The following WDFY3 variants were observed in gnomAD, a reference collection of about 807,000 sequenced individuals.
The protein encoded by WDFY3 is WD repeat and FYVE domain-containing protein 3.
WDFY3 carries 66 observed loss-of-function variants against 409.6 expected under a neutral mutation model. The ratio of observed to expected loss-of-function variants is 0.16; its 90% CI spans 0.13 to 0.20. WDFY3 has a LOEUF of 0.20. Ranked by LOEUF, WDFY3 falls within the 10% of genes least tolerant of loss-of-function variation. The pLI is 1.00. For synonymous variants in WDFY3, 1,521 were observed against 1,537.1 expected (o/e 0.99, Z 0.25); for missense variants, 3,031 against 4,298.1 (o/e 0.71, Z 8.24).
At chr4:84,954,716 T>C (rs866908357) in intron 1 of WDFY3, among the ~76,000 whole-genome samples, 10 of 152,214 alleles carry the variant, frequency 6.6e-5, no homozygotes, top group African/African-American at 2.2e-4. Flanking sequence ...TATTCCTACA[T>C]TATGTGTCTA....
intron 21 of WDFY3, among the ~76,000 whole-genome samples, chr4:84,794,233 C>CA (rs1272567032): frequency 6.6e-6 from 1 of 152,034 alleles, no homozygotes; most frequent in Non-Finnish European, 1.5e-5. Context: ...TAATCCTTAC[C>CA]AAAATACATC....
chr4:84,949,545 T>C (rs996791127), intron 1 of WDFY3, among the ~76,000 whole-genome samples: 1 of 152,050 alleles, frequency 6.6e-6, no homozygotes, highest in Non-Finnish European at 1.5e-5. Flanking sequence ...AATGAAAGAG[T>C]ATATATATCT....
intron 18 of WDFY3, among the ~76,000 whole-genome samples, chr4:84,797,445 T>G (rs1488800727): frequency 4.6e-5 from 7 of 152,140 alleles, no homozygotes; most frequent in Non-Finnish European, 8.8e-5. Context: ...GAAACTGTTT[T>G]CCTCCTAAAT....
chr4:84,897,094 A>G (rs535343953), intron 2 of WDFY3, 84 bp from the exon 3 acceptor site: 3 of 152,338 alleles, frequency 2.0e-5, no homozygotes, highest in East Asian at 3.9e-4. Flanking sequence ...TCCACTAACT[A>G]TCTCATACAT....
intron 51 of WDFY3, 91 bp downstream of exon 51, chr4:84,713,068 C>A: frequency 7.2e-7 from 1 of 1,385,136 alleles, no homozygotes; most frequent in Admixed American, 2.0e-5. Context: ...AGGGGAAAAA[C>A]ACTCATCTAA....
intron 40 of WDFY3, 51 bp from the exon 41 acceptor site, chr4:84,737,417 A>G: frequency 6.7e-7 from 1 of 1,501,366 alleles, no homozygotes; most frequent in Non-Finnish European, 8.9e-7. Context: ...TGATCAAAAC[A>G]CAGTATAAAG....
At chr4:84,703,099 A>G (rs1731334477) in intron 55 of WDFY3, among the ~76,000 whole-genome samples, 2 of 152,164 alleles carry the variant, frequency 1.3e-5, no homozygotes, top group East Asian at 1.9e-4. Context: ...TGTCTCAAAA[A>G]AAAAAAAAAC....
chr4:84,724,519 C>A lies in WDFY3; in HGVS notation c.7348G>T (p.Ala2450Ser), dbSNP rs895398874. 6.2e-7 allele frequency: 1 copy of A among 1,614,098 alleles called. No individual in the cohort carries two copies. The change falls in exon 46 of 68, where the codon GCC becomes TCC. Residue 2450 changes from alanine (A) to serine (S), a missense_variant. Physicochemically the swap from Ala to Ser is moderately conservative, Grantham distance 99. This residue lies in a region of WDFY3 where 127 missense variants were observed against 144.4 expected (regional missense o/e 0.88). Coordinates refer to ENST00000295888, the MANE Select transcript of WDFY3 (RefSeq NM_014991.6). Reference protein sequence around the residue: ...YYMRLASGNPAIVQDAIVESS... With the variant: ...YYMRLASGNPSIVQDAIVESS... ...TCCACAATGGCGTCTTGGACAATGGCGGGATTGCCAGAGGCCAGTCGCATG... is the reference window on the plus strand; with the variant it reads ...TCCACAATGGCGTCTTGGACAATGGAGGGATTGCCAGAGGCCAGTCGCATG...
At chr4:84,731,049 G>A (rs918357215) in intron 44 of WDFY3, among the ~76,000 whole-genome samples, 7 of 151,986 alleles carry the variant, frequency 4.6e-5, no homozygotes, top group South Asian at 2.1e-4. Flanking sequence ...CACCTGCCTC[G>A]GCCTCCCAAA....
intron 3 of WDFY3, among the ~76,000 whole-genome samples, chr4:84,870,333 C>T (rs183494360): frequency 3.6e-4 from 55 of 152,218 alleles, no homozygotes; most frequent in African/African-American, 1.3e-3. Context: ...GAACTGAGGT[C>T]GCAGGGCAAA....
At chr4:84,876,770 G>T (rs1560982633) in intron 3 of WDFY3, among the ~76,000 whole-genome samples, 1 of 151,850 alleles carries the variant, frequency 6.6e-6, no homozygotes, top group Non-Finnish European at 1.5e-5. Context: ...TTCTGGGTGT[G>T]TATTTTACTG....
At chr4:84,765,426 G>C (rs1437930820) in intron 32 of WDFY3, among the ~76,000 whole-genome samples, 1 of 152,150 alleles carries the variant, frequency 6.6e-6, no homozygotes, top group Non-Finnish European at 1.5e-5. Flanking sequence ...CAGAGTTATT[G>C]TGATGAAATG....
intron 5 of WDFY3, among the ~76,000 whole-genome samples, chr4:84,847,958 T>C (rs1266615697): frequency 1.3e-5 from 2 of 148,812 alleles, no homozygotes; most frequent in African/African-American, 2.5e-5. Context: ...ATAGAAGAGA[T>C]AGATGATAAA....
chr4:84,783,405 G>C (rs1746917586), intron 24 of WDFY3, among the ~76,000 whole-genome samples: 1 of 152,154 alleles, frequency 6.6e-6, no homozygotes, highest in Non-Finnish European at 1.5e-5. Context: ...CCTGAGCCTA[G>C]GAGGTCGAGA....
chr4:84,960,141 C>A (rs1774733778), intron 1 of WDFY3, among the ~76,000 whole-genome samples: 1 of 152,088 alleles, frequency 6.6e-6, no homozygotes, highest in African/African-American at 2.4e-5. Flanking sequence ...TAAATGTAGG[C>A]TTTAGAGGCC....
At chr4:84,725,198 A>G (rs1735472476) in intron 45 of WDFY3, among the ~76,000 whole-genome samples, 1 of 152,102 alleles carries the variant, frequency 6.6e-6, no homozygotes, top group Non-Finnish European at 1.5e-5. Context: ...GCCAGGTGAC[A>G]CTCTGGTTAG....
chr4:84,797,894 C>A, intron 18 of WDFY3, 102 bp downstream of exon 18: 1 of 1,113,122 alleles, frequency 9.0e-7, no homozygotes, highest in Admixed American at 2.4e-5. Flanking sequence ...AAATAATAAA[C>A]CCTTCTCTTT....
intron 7 of WDFY3, among the ~76,000 whole-genome samples, chr4:84,832,618 ATTAT>A (rs1755907885): frequency 6.6e-6 from 1 of 152,208 alleles, no homozygotes; most frequent in Non-Finnish European, 1.5e-5. Flanking sequence ...ATATGCAATT[ATTAT>A]TTGTCAATTA....
intron 1 of WDFY3, among the ~76,000 whole-genome samples, chr4:84,934,307 C>A (rs1186628305): frequency 6.6e-6 from 1 of 152,070 alleles, no homozygotes; most frequent in Non-Finnish European, 1.5e-5. Flanking sequence ...TGTTTGTTTG[C>A]CATATGTATG....
Sources: gnomAD v4.1 joint callset for allele counts (sites outside exome capture counted in the v4.1 genomes callset) on GRCh38, gnomAD v4.1.1 for gene constraint, gnomAD v4.1.1 regional missense constraint, MANE v1.5 for transcripts, NCBI Gene and HGNC (gene_info 2026-07-23, HGNC 2026-07-21) for gene names.